Variants in ARHGEF26 observed in about 807,000 individuals in gnomAD.
The protein encoded by ARHGEF26 is Rho guanine nucleotide exchange factor (GEF) 26.
Under a neutral mutation model 89.4 loss-of-function variants are expected in ARHGEF26, and 59 were observed. The ratio of observed to expected loss-of-function variants is 0.66; its 90% CI spans 0.54 to 0.82. The LOEUF is 0.82. Ranked by LOEUF, ARHGEF26 falls within the 40% of genes least tolerant of loss-of-function variation. ARHGEF26 has a pLI of 0.00. For missense variants in ARHGEF26, 1,234 were observed against 1,085.6 expected (o/e 1.14, Z -1.92); for synonymous variants, 500 against 428.4 (o/e 1.17, Z -2.06).
At chr3:154,178,333 C>G (rs150576522) in intron 6 of ARHGEF26, among the ~76,000 whole-genome samples, 1,612 of 152,234 alleles carry the variant, frequency 0.011, 21 homozygotes, top group African/African-American at 0.037. Context: ...GCAACCATCA[C>G]CAGAGTTTTA....
At chr3:154,147,359 T>A (rs944569940) in intron 4 of ARHGEF26, among the ~76,000 whole-genome samples, 1 of 152,148 alleles carries the variant, frequency 6.6e-6, no homozygotes, top group Non-Finnish European at 1.5e-5. Context: ...TGCAGTGAGC[T>A]GAGATAGCAC....
intron 9 of ARHGEF26, among the ~76,000 whole-genome samples, chr3:154,203,549 C>G (rs186514302): frequency 9.1e-4 from 139 of 152,164 alleles, no homozygotes; most frequent in African/African-American, 3.2e-3. Context: ...AGTGGATATC[C>G]TTGTTATGTT....
At chr3:154,165,007 G>T (rs1023282163) in intron 6 of ARHGEF26, among the ~76,000 whole-genome samples, 23 of 152,156 alleles carry the variant, frequency 1.5e-4, no homozygotes, top group African/African-American at 5.5e-4. Context: ...TAGGAAGACT[G>T]GTTTAAAAAA....
At chr3:154,248,700 CTAATG>C (rs1261603801) in intron 12 of ARHGEF26, among the ~76,000 whole-genome samples, 1 of 151,932 alleles carries the variant, frequency 6.6e-6, no homozygotes, top group African/African-American at 2.4e-5. Flanking sequence ...TAGGTCTGAG[CTAATG>C]TAATATGATA....
intron 9 of ARHGEF26, among the ~76,000 whole-genome samples, chr3:154,203,940 G>T (rs1387603011): frequency 6.6e-6 from 1 of 151,414 alleles, no homozygotes; most frequent in Non-Finnish European, 1.5e-5. Context: ...ATTAATCATA[G>T]ATATTGTCCT....
At chr3:154,175,297 G>A (rs770210528) in intron 6 of ARHGEF26, among the ~76,000 whole-genome samples, 2 of 152,130 alleles carry the variant, frequency 1.3e-5, no homozygotes, top group Admixed American at 6.6e-5. Context: ...GCTGCATATT[G>A]TAGGCTATTT....
chr3:154,134,407 G>C (rs1718879426), intron 4 of ARHGEF26, among the ~76,000 whole-genome samples: 2 of 152,176 alleles, frequency 1.3e-5, no homozygotes, highest in Non-Finnish European at 2.9e-5. Flanking sequence ...GCCTTATGTG[G>C]ATGGCAGCAG....
intron 6 of ARHGEF26, among the ~76,000 whole-genome samples, chr3:154,156,045 T>C (rs1329163665): frequency 6.6e-6 from 1 of 152,046 alleles, no homozygotes; most frequent in Non-Finnish European, 1.5e-5. Context: ...AGGATAATTA[T>C]CTTTAATGAT....
At chr3:154,141,639 G>T (rs1719392104) in intron 4 of ARHGEF26, among the ~76,000 whole-genome samples, 1 of 152,128 alleles carries the variant, frequency 6.6e-6, no homozygotes, top group Non-Finnish European at 1.5e-5. Context: ...TTTATCAGCA[G>T]CTTAACATGA....
rs552017852 is a variant in ARHGEF26 at position 154,218,586 on chromosome 3, G to A, written c.1935+628G>A. Among the ~76,000 whole-genome samples, 18 of 152,288 alleles carry A rather than the reference G, an allele frequency of 1.2e-4. 1 individual carries two copies. Among genetic ancestry groups the A allele is most frequent in the African/African-American group, 4.1e-4 (17 of 41,560 alleles). On this transcript the variant is annotated intron_variant, in intron 10 of 14. Transcript: ENST00000465093. The stretch of plus-strand genomic sequence containing the variant: ...TTTTTAATGGGAAGTGAGTGCTCAC[G>A]ATTGTGACTCTATTGTTTTATAACT...
chr3:154,168,823 CTT>C (rs137986201), intron 6 of ARHGEF26, among the ~76,000 whole-genome samples: 1 of 149,032 alleles, frequency 6.7e-6, no homozygotes, highest in Non-Finnish European at 1.5e-5. Flanking sequence ...GATTCTGCCA[CTT>C]TTTTTTTTCT....
intron 5 of ARHGEF26, 149 bp from the exon 6 acceptor site, chr3:154,152,623 G>A (rs1720089284): frequency 4.0e-6 from 2 of 494,624 alleles, no homozygotes; most frequent in African/African-American, 2.0e-5. Context: ...GTTTTGTGAT[G>A]TTGTTTCTTT....
intron 3 of ARHGEF26, 85 bp from the exon 4 acceptor site, chr3:154,129,489 C>A: frequency 1.4e-6 from 2 of 1,414,446 alleles, no homozygotes; most frequent in Non-Finnish European, 9.5e-7. Flanking sequence ...GGAGGCCAAA[C>A]ATTGGGTACA....
chr3:154,147,727 A>T (rs916034726), intron 4 of ARHGEF26, among the ~76,000 whole-genome samples: 5 of 152,154 alleles, frequency 3.3e-5, no homozygotes, highest in African/African-American at 1.2e-4. Flanking sequence ...TGAATTTGAG[A>T]ATTTTCAGAG....
chr3:154,212,753 G>A (rs115741744), intron 9 of ARHGEF26, among the ~76,000 whole-genome samples: 1,576 of 152,208 alleles, frequency 0.01, 20 homozygotes, highest in African/African-American at 0.036. Flanking sequence ...ATCCAGTGCT[G>A]TGACTGATCT....
intron 6 of ARHGEF26, among the ~76,000 whole-genome samples, chr3:154,175,113 TA>T (rs1346224886): frequency 2.6e-5 from 4 of 152,314 alleles, no homozygotes; most frequent in Admixed American, 1.3e-4. Flanking sequence ...GACTAGAGGG[TA>T]AAGTTCAGAT....
intron 7 of ARHGEF26, 75 bp from the exon 8 acceptor site, chr3:154,191,214 G>A (rs1275052239): frequency 2.7e-6 from 4 of 1,456,020 alleles, no homozygotes; most frequent in Non-Finnish European, 3.7e-6. Context: ...ACAGTATTTT[G>A]TAATACATTT....
In ARHGEF26 at chr3:154,129,019, G is replaced by A. The variant is rs575330690; in HGVS notation, c.1124-555G>A. Reference sequence around the variant, plus strand: ...GTATTTCACGTGCTAAGCTGTTGCCGGTTCCTAGTAGGTGTTTTCTAAGTA... The same window carrying A: ...GTATTTCACGTGCTAAGCTGTTGCCAGTTCCTAGTAGGTGTTTTCTAAGTA... On this transcript the variant is annotated intron_variant, in intron 3 of 14. Coordinates refer to ENST00000465093, the MANE Select transcript of ARHGEF26 (RefSeq NM_015595.4). Among the ~76,000 whole-genome samples the A allele has an allele frequency of 7.2e-5, 11 of 152,186 alleles. No homozygotes were observed. In the South Asian group the frequency reaches 1.5e-3, roughly 20 times the overall value.
At chr3:154,170,529 A>G (rs1483197298) in intron 6 of ARHGEF26, among the ~76,000 whole-genome samples, 1 of 152,212 alleles carries the variant, frequency 6.6e-6, no homozygotes, top group Non-Finnish European at 1.5e-5. Context: ...CATGGTGACT[A>G]AGAGTGTCAT....
Sources: gnomAD v4.1 joint callset for allele counts (sites outside exome capture counted in the v4.1 genomes callset) on GRCh38, gnomAD v4.1.1 for gene constraint, MANE v1.5 for transcripts, NCBI Gene and HGNC (gene_info 2026-07-23, HGNC 2026-07-21) for gene names.